The following ELOVL6 variants were observed in gnomAD, a reference collection of about 807,000 sequenced individuals.
The protein encoded by ELOVL6 is very long chain fatty acid elongase 6.
ELOVL6 carries 8 observed loss-of-function variants against 31.7 expected under a neutral mutation model. The observed-to-expected ratio is 0.25, with a 90% confidence interval of 0.15 to 0.45. ELOVL6 has a LOEUF of 0.45. ELOVL6 is among the 20% of genes least tolerant of loss of function. The pLI is 1.00. For missense variants in ELOVL6, 126 were observed against 326.4 expected, an observed-to-expected ratio of 0.39 and a Z score of 4.73; for synonymous variants, 101 against 117.7, an observed-to-expected ratio of 0.86 and a Z score of 0.92.
intron 2 of ELOVL6, among the ~76,000 whole-genome samples, chr4:110,079,503 C>G (rs897351956): frequency 6.6e-6 from 1 of 151,798 alleles, no homozygotes; most frequent in African/African-American, 2.4e-5. Context: ...GGGTACATAA[C>G]GAAATGAAAG....
intron 2 of ELOVL6, among the ~76,000 whole-genome samples, chr4:110,090,050 A>T (rs1756375619): frequency 6.6e-6 from 1 of 152,248 alleles, no homozygotes; most frequent in Admixed American, 6.5e-5. Flanking sequence ...CATTTGTAAA[A>T]TGAAAATAAA....
At chr4:110,171,902 C>G (rs577847818) in intron 1 of ELOVL6, among the ~76,000 whole-genome samples, 8 of 152,094 alleles carry the variant, frequency 5.3e-5, no homozygotes, top group African/African-American at 1.9e-4. Flanking sequence ...ATTGCCCAGG[C>G]TGGTCTCGAA....
intron 1 of ELOVL6, among the ~76,000 whole-genome samples, chr4:110,143,679 G>A (rs1758028025): frequency 6.6e-6 from 1 of 152,158 alleles, no homozygotes; most frequent in Non-Finnish European, 1.5e-5. Context: ...ATTAAAGCTT[G>A]AGCAACACTG....
At chr4:110,093,181 A>G in intron 2 of ELOVL6, 1 of 431,566 alleles carries the variant, frequency 2.3e-6, no homozygotes, top group Non-Finnish European at 4.6e-6. Flanking sequence ...TCCACACTCA[A>G]ATGTATTAAC....
chr4:110,113,847 AT>A (rs1757105808), intron 1 of ELOVL6, among the ~76,000 whole-genome samples: 1 of 152,210 alleles, frequency 6.6e-6, no homozygotes, highest in African/African-American at 2.4e-5. Context: ...TCCAGCAGCA[AT>A]TCAATTTCAT....
At chr4:110,110,975 TCTC>T (rs1272699486) in intron 1 of ELOVL6, among the ~76,000 whole-genome samples, 4 of 152,192 alleles carry the variant, frequency 2.6e-5, no homozygotes, top group African/African-American at 9.7e-5. Flanking sequence ...GATCACAGGT[TCTC>T]CTCATCTATT....
At chr4:110,072,967 A>G (rs1259672831) in intron 2 of ELOVL6, among the ~76,000 whole-genome samples, 1 of 152,190 alleles carries the variant, frequency 6.6e-6, no homozygotes, top group East Asian at 1.9e-4. Flanking sequence ...TCATACACAG[A>G]TAAGCTAATT....
At chr4:110,163,738 C>T (rs1470230041) in intron 1 of ELOVL6, among the ~76,000 whole-genome samples, 1 of 152,188 alleles carries the variant, frequency 6.6e-6, no homozygotes, top group Non-Finnish European at 1.5e-5. Flanking sequence ...AAGGTGGCAG[C>T]ACTGAGTTGG....
At chr4:110,053,952 T>C (rs1283927242) in intron 3 of ELOVL6, among the ~76,000 whole-genome samples, 16 of 150,312 alleles carry the variant, frequency 1.1e-4, no homozygotes, top group African/African-American at 3.7e-4. Flanking sequence ...AAAAAAAAAT[T>C]AGCTGGGCAT....
At chr4:110,193,904 C>T (rs544225135) in intron 1 of ELOVL6, among the ~76,000 whole-genome samples, 1 of 152,284 alleles carries the variant, frequency 6.6e-6, no homozygotes, top group Admixed American at 6.5e-5. Context: ...CCTTTGAAGA[C>T]GTCACCTCAC....
chr4:110,086,989 C>G (rs1251309914), intron 2 of ELOVL6, among the ~76,000 whole-genome samples: 1 of 152,146 alleles, frequency 6.6e-6, no homozygotes, highest in East Asian at 1.9e-4. Context: ...AGTAAAGCAC[C>G]TGATATAGGC....
chr4:110,186,188 CCAAAA>C (rs990693785), intron 1 of ELOVL6, among the ~76,000 whole-genome samples: 34 of 151,538 alleles, frequency 2.2e-4, no homozygotes, highest in African/African-American at 7.0e-4. Context: ...AGACTCCGTC[CCAAAA>C]CAAAACAAGA....
At chr4:110,148,653 CAA>C (rs1332030082) in intron 1 of ELOVL6, among the ~76,000 whole-genome samples, 1 of 152,050 alleles carries the variant, frequency 6.6e-6, no homozygotes, top group East Asian at 1.9e-4. Flanking sequence ...GTTTGTAACA[CAA>C]AGGATAAATG....
In ELOVL6 at chr4:110,134,169, C is replaced by A. The variant is rs1757745173; in HGVS notation, c.90-28541G>T. Among the ~76,000 whole-genome samples the A allele has an allele frequency of 2.0e-5, 3 of 152,164 alleles. No homozygotes were observed. The South Asian group carries it at 6.2e-4, about 32-fold the overall frequency. On this transcript the variant is annotated intron_variant, in intron 1 of 3. Coordinates refer to ENST00000302274, the MANE Select transcript of ELOVL6 (RefSeq NM_024090.3). The stretch of plus-strand genomic sequence containing the variant: ...AACAAAGCAAATGGCCCAGGAATGA[C>A]AAGGCTTCATTAGGTGTGGTGCTCA...
chr4:110,051,260 T>C lies in ELOVL6; in HGVS notation c.*78A>G. On this transcript the variant is annotated 3_prime_UTR_variant, in exon 4 of 4. Transcript: ENST00000302274. The surrounding 1 kb of genome is among the most constrained non-coding windows in gnomAD (Gnocchi z 4.8). ...TGTTTTGTTTTAGCTGCACCACGTGTGATTCCTTGTGCCATTTTCTTTTGT... is the reference window on the plus strand; with the variant it reads ...TGTTTTGTTTTAGCTGCACCACGTGCGATTCCTTGTGCCATTTTCTTTTGT... The C allele has an allele frequency of 6.9e-7, 1 of 1,450,314 alleles. No individual in the cohort carries two copies. Among genetic ancestry groups the C allele is most frequent in the Non-Finnish European group, 9.4e-7 (1 of 1,059,266 alleles). 89.8% of individuals were successfully genotyped at this position (1,450,314 alleles called of 1,614,324 possible). A position where few individuals can be genotyped will look rare whatever the true frequency, so the allele number is the denominator to read the frequency against.
Position 110,084,551 on chromosome 4 carries a change from C to T in ELOVL6, c.221+20946G>A, listed in dbSNP as rs1408137689. ...ACACTTACACACACACACACACACA[C>T]ACACACACACAGATATATATATATA... On this transcript the variant is annotated intron_variant, in intron 2 of 3. Coordinates refer to ENST00000302274, the MANE Select transcript of ELOVL6 (RefSeq NM_024090.3). Among the ~76,000 whole-genome samples the T allele has an allele frequency of 3.9e-3, 250 of 64,648 alleles. 5 individuals carry two copies. Among genetic ancestry groups the T allele is most frequent in the African/African-American group, 0.02 (221 of 10,882 alleles). 42.4% of individuals were successfully genotyped at this position (64,648 alleles called of 152,430 possible). A position where few individuals can be genotyped will look rare whatever the true frequency, so the allele number is the denominator to read the frequency against.
At chr4:110,196,191 TC>T (rs1427656529) in intron 1 of ELOVL6, among the ~76,000 whole-genome samples, 1 of 151,264 alleles carries the variant, frequency 6.6e-6, no homozygotes, top group East Asian at 2.0e-4. Context: ...GTGAATGGGG[TC>T]AGCCAGCAAA....
chr4:110,117,370 G>A (rs1285048565), intron 1 of ELOVL6, among the ~76,000 whole-genome samples: 5 of 152,192 alleles, frequency 3.3e-5, no homozygotes, highest in Non-Finnish European at 7.3e-5. Flanking sequence ...TACCACTTAT[G>A]CCTCAGACAC....
At chr4:110,096,038 T>C (rs1756571234) in intron 2 of ELOVL6, among the ~76,000 whole-genome samples, 1 of 152,226 alleles carries the variant, frequency 6.6e-6, no homozygotes, top group Non-Finnish European at 1.5e-5. Flanking sequence ...GAGCAAGTTT[T>C]AGTCAAGAGG....
Sources: allele counts gnomAD v4.1 joint callset (sites outside exome capture counted in the v4.1 genomes callset), GRCh38; gene constraint gnomAD v4.1.1; non-coding constraint Gnocchi (gnomAD v3.1); transcripts MANE v1.5; gene names NCBI Gene and HGNC (gene_info 2026-07-23, HGNC 2026-07-21).